CADM2: variants seen among roughly 807,000 people sequenced by gnomAD.
CADM2 encodes cell adhesion molecule 2.
In CADM2, 12 loss-of-function variants were observed where a neutral mutation model predicts 49.8. That is an observed-to-expected ratio of 0.24 (90% CI 0.15 to 0.39). The LOEUF (loss-of-function observed/expected upper bound fraction) is 0.39. CADM2 is among the 10% of genes least tolerant of loss of function. The probability of loss-of-function intolerance (pLI) is 1.00; values close to 1 mark genes in which losing one functional copy is unlikely to be tolerated. For missense variants in CADM2, 378 were observed against 492.3 expected, an observed-to-expected ratio of 0.77 and a Z score of 2.20; for synonymous variants, 214 against 175.4, an observed-to-expected ratio of 1.22 and a Z score of -1.74.
intron 5 of CADM2, 115 bp from the exon 6 acceptor site, chr3:85,912,258 T>C: frequency 1.5e-6 from 1 of 685,544 alleles, no homozygotes; most frequent in Non-Finnish European, 2.4e-6. Flanking sequence ...ATCACAAATA[T>C]TTGCTTCTTA....
chr3:85,548,462 G>C (rs977855413), intron 1 of CADM2, among the ~76,000 whole-genome samples: 13 of 151,828 alleles, frequency 8.6e-5, no homozygotes, highest in African/African-American at 2.7e-4. Context: ...GTAAGAGCTC[G>C]ACAGTCTAAT....
At chr3:86,010,876 TAGAA>T (rs779285676) in intron 8 of CADM2, among the ~76,000 whole-genome samples, 2 of 151,572 alleles carry the variant, frequency 1.3e-5, no homozygotes, top group South Asian at 2.1e-4. Context: ...ATTAAAAGAA[TAGAA>T]AGAAAATGCA....
At chr3:85,966,342 G>GT (rs1725469446) in intron 8 of CADM2, among the ~76,000 whole-genome samples, 1 of 151,524 alleles carries the variant, frequency 6.6e-6, no homozygotes, top group Admixed American at 6.6e-5. Flanking sequence ...ATTCCATAAA[G>GT]TTTTTTTGTA....
intron 2 of CADM2, among the ~76,000 whole-genome samples, chr3:85,784,530 TTATCTATCTATCTATC>T (rs71112118): frequency 0.011 from 1,525 of 142,316 alleles, 13 homozygotes; most frequent in African/African-American, 0.017. Flanking sequence ...CTAAATATAT[TTATCTATCTATCTATC>T]TATCTATCTA....
chr3:85,797,650 A>G (rs993323122), intron 2 of CADM2, among the ~76,000 whole-genome samples: 2 of 152,216 alleles, frequency 1.3e-5, no homozygotes, highest in East Asian at 1.9e-4. Flanking sequence ...TTCTTTATCC[A>G]GTCTAACATT....
chr3:85,660,364 TACAACCTTTTAGACTTTCTCTTTAAGA>T (rs2065361680), intron 1 of CADM2, among the ~76,000 whole-genome samples: 1 of 151,920 alleles, frequency 6.6e-6, no homozygotes, highest in African/African-American at 2.4e-5. Context: ...GCAGATAGTC[TACAACCTTTTAGACTTTCTCTTTAAGA>T]ACTTGCCATG....
At chr3:85,533,381 T>C (rs571977155) in intron 1 of CADM2, among the ~76,000 whole-genome samples, 1 of 152,214 alleles carries the variant, frequency 6.6e-6, no homozygotes, top group Admixed American at 6.5e-5. Context: ...GAAACTATTA[T>C]GCATACTTTA....
chr3:85,525,007 G>A (rs1270682550), intron 1 of CADM2, among the ~76,000 whole-genome samples: 1 of 152,060 alleles, frequency 6.6e-6, no homozygotes, highest in East Asian at 1.9e-4. Flanking sequence ...GGCCTGCCAG[G>A]TGGTAGGGGG....
At chr3:85,583,344 A>G (rs1374804933) in intron 1 of CADM2, among the ~76,000 whole-genome samples, 1 of 152,128 alleles carries the variant, frequency 6.6e-6, no homozygotes, top group African/African-American at 2.4e-5. Context: ...GAACTTCACC[A>G]TATTCACACT....
At chr3:86,031,032 T>A (rs187510974) in intron 8 of CADM2, among the ~76,000 whole-genome samples, 244 of 151,926 alleles carry the variant, frequency 1.6e-3, no homozygotes, top group Middle Eastern at 3.4e-3. Context: ...AATTTATAAA[T>A]TTTTTCTTAG....
chr3:85,431,860 C>CATATGTATATGTATATATATATATAT lies in CADM2; in HGVS notation c.62-294658_62-294657insGTATATGTATATATATATATATATAT, dbSNP rs139257494. ...AACACCATGGTCTTATGCTTAATTG[C>CATATGTATATGTATATATATATATAT]ATATATATATATGCCATGCTCTTTC... On this transcript the variant is annotated intron_variant, in intron 1 of 9. Coordinates refer to ENST00000383699, the MANE Select transcript of CADM2 (RefSeq NM_001167675.2). Among the ~76,000 whole-genome samples the CATATGTATATGTATATATATATATAT allele has an allele frequency of 9.7e-5, 5 of 51,812 alleles. 1 individual carries two copies. Among genetic ancestry groups the CATATGTATATGTATATATATATATAT allele is most frequent in the African/African-American group, 1.6e-4 (3 of 18,284 alleles). The allele number at this position is 51,812 out of a possible 152,430, so 34.0% of individuals were successfully genotyped here. A position where few individuals can be genotyped will look rare whatever the true frequency, so the allele number is the denominator to read the frequency against.
intron 1 of CADM2, among the ~76,000 whole-genome samples, chr3:85,311,256 A>G (rs1214040909): frequency 1.3e-5 from 2 of 152,074 alleles, no homozygotes; most frequent in African/African-American, 4.8e-5. Context: ...AATTTAAAGC[A>G]TGCTGTTTTG....
At chr3:84,992,711 C>A (rs1212884702) in intron 1 of CADM2, among the ~76,000 whole-genome samples, 1 of 152,072 alleles carries the variant, frequency 6.6e-6, no homozygotes, top group Non-Finnish European at 1.5e-5. Flanking sequence ...CTTAGTACCT[C>A]AAATCGTATT....
intron 1 of CADM2, among the ~76,000 whole-genome samples, chr3:85,126,114 T>C (rs938758656): frequency 6.6e-6 from 1 of 152,212 alleles, no homozygotes; most frequent in Non-Finnish European, 1.5e-5. Context: ...CATTTAATAC[T>C]GTAAATTTTG....
intron 1 of CADM2, among the ~76,000 whole-genome samples, chr3:85,218,861 A>C (rs972160544): frequency 1.3e-5 from 2 of 152,194 alleles, no homozygotes; most frequent in African/African-American, 2.4e-5. Context: ...ATAGGTATTC[A>C]GATGTATTAC....
intron 1 of CADM2, among the ~76,000 whole-genome samples, chr3:85,712,880 A>G (rs1042857989): frequency 2.6e-5 from 4 of 152,156 alleles, no homozygotes; most frequent in African/African-American, 7.2e-5. Flanking sequence ...TTATGTCCCT[A>G]AAGTGGGCCA....
intron 1 of CADM2, among the ~76,000 whole-genome samples, chr3:85,494,214 T>C (rs986781237): frequency 2.6e-5 from 4 of 152,192 alleles, no homozygotes; most frequent in Non-Finnish European, 5.9e-5. Context: ...CTTTTACGTT[T>C]AAGTAAAATT....
intron 1 of CADM2, among the ~76,000 whole-genome samples, chr3:84,985,864 G>GA (rs529033039): frequency 7.9e-5 from 12 of 152,246 alleles, no homozygotes; most frequent in South Asian, 2.1e-4. Flanking sequence ...TCTAACCAAA[G>GA]AAAAAATCTT....
intron 1 of CADM2, among the ~76,000 whole-genome samples, chr3:85,530,101 T>A (rs1357130881): frequency 1.3e-5 from 2 of 151,460 alleles, no homozygotes; most frequent in Non-Finnish European, 2.9e-5. Flanking sequence ...ATGAAAACAG[T>A]GCCCCCCATA....
Sources: gnomAD v4.1 joint callset for allele counts (sites outside exome capture counted in the v4.1 genomes callset) on GRCh38, gnomAD v4.1.1 for gene constraint, MANE v1.5 for transcripts, NCBI Gene and HGNC (gene_info 2026-07-23, HGNC 2026-07-21) for gene names.